The following COL6A6 variants were observed in gnomAD, a reference collection of about 807,000 sequenced individuals.
COL6A6 encodes collagen alpha-6(VI) chain.
A neutral mutation model predicts 208.6 loss-of-function variants in COL6A6; 183 were observed. The ratio of observed to expected loss-of-function variants is 0.88; its 90% CI spans 0.78 to 0.99. The LOEUF (loss-of-function observed/expected upper bound fraction) is 0.99, where lower values mean the gene tolerates loss of function less well. Among genes scored for constraint, COL6A6 ranks in the 50% least tolerant of loss-of-function variants. The pLI, the probability that COL6A6 is intolerant of heterozygous loss-of-function variation, is 0.00. For synonymous variants in COL6A6, 973 were observed against 1,011.8 expected, an observed-to-expected ratio of 0.96 and a Z score of 0.73; for missense variants, 2,816 against 2,815.2, an observed-to-expected ratio of 1.00 and a Z score of -0.01.
chr3:130,517,084 G>T (rs1270265937), upstream of COL6A6, among the ~76,000 whole-genome samples: 1 of 152,200 alleles, frequency 6.6e-6, no homozygotes, highest in African/African-American at 2.4e-5. Flanking sequence ...CCCTCCTGGG[G>T]GACGTGCGCT....
chr3:130,588,898 A>G (rs916448124), intron 11 of COL6A6, among the ~76,000 whole-genome samples, 192 bp from the exon 12 acceptor site: 17 of 146,218 alleles, frequency 1.2e-4, no homozygotes, highest in African/African-American at 3.9e-4. Context: ...AGTGCAGATG[A>G]TAGAAGAAAA....
At chr3:130,642,164 T>G (rs2065331106) in intron 29 of COL6A6, among the ~76,000 whole-genome samples, 2 of 152,162 alleles carry the variant, frequency 1.3e-5, no homozygotes, top group African/African-American at 4.8e-5. Context: ...CAGACTCCTC[T>G]TCTTCTGAAG....
intron 36 of COL6A6, among the ~76,000 whole-genome samples, chr3:130,672,267 G>A (rs899594908): frequency 5.3e-5 from 8 of 152,190 alleles, no homozygotes; most frequent in African/African-American, 1.9e-4. Context: ...CTGGAGCTGA[G>A]CACAAGTTGC....
At chr3:130,597,404 A>G (rs1239802546) in intron 18 of COL6A6, among the ~76,000 whole-genome samples, 1 of 152,224 alleles carries the variant, frequency 6.6e-6, no homozygotes, top group Non-Finnish European at 1.5e-5. Flanking sequence ...AAGCTCTGTA[A>G]GTACAAAACC....
chr3:130,660,104 C>A (rs1220642849), intron 34 of COL6A6, among the ~76,000 whole-genome samples: 1 of 152,182 alleles, frequency 6.6e-6, no homozygotes, highest in African/African-American at 2.4e-5. Context: ...TCAGAAGTTG[C>A]ACATGTGTGA....
intron 1 of COL6A6, among the ~76,000 whole-genome samples, chr3:130,527,462 C>A (rs1015063929): frequency 6.6e-6 from 1 of 152,112 alleles, no homozygotes; most frequent in African/African-American, 2.4e-5. Flanking sequence ...TTCAGCACCC[C>A]CCGCCAAGGG....
At chr3:130,577,021 GTA>G (rs1166870938) in intron 8 of COL6A6, among the ~76,000 whole-genome samples, 1 of 152,122 alleles carries the variant, frequency 6.6e-6, no homozygotes, top group East Asian at 1.9e-4. Flanking sequence ...TCCTCTAATT[GTA>G]TACTGTGATT....
intron 1 of COL6A6, among the ~76,000 whole-genome samples, chr3:130,529,306 A>G (rs1364122249): frequency 1.3e-5 from 2 of 148,300 alleles, no homozygotes; most frequent in Non-Finnish European, 3.0e-5. Flanking sequence ...AAAAAAAAAA[A>G]GCAGGAAGTG....
rs199518096 is a variant in COL6A6 at position 130,608,987 on chromosome 3, G to A, written c.4752+23G>A. 3 of 1,577,656 alleles carry A rather than the reference G, an allele frequency of 1.9e-6. No individual in the cohort carries two copies. In the African/African-American group the frequency reaches 4.1e-5, roughly 21 times the overall value. ...CAGGTACATATCAAGACCAATCAGG[G>A]TGTGAGAACATAAAGAAGAATCTGG... On this transcript the variant is annotated intron_variant, in intron 22 of 36. Transcript: ENST00000358511.
rs950263067 is a variant in COL6A6, at chr3:130,565,755, A to T, written c.1282+141A>T. ...AATTCTTTTACTTGAGCTTGAAAAT[A>T]TGAAGCCTAATTTGGGGACAATAAA... On this transcript the variant is annotated intron_variant, in intron 4 of 36. Transcript: ENST00000358511. The T allele has an allele frequency of 5.7e-6, 6 of 1,055,484 alleles. No individual in the cohort carries two copies. In the African/African-American group the frequency reaches 9.6e-5, roughly 17 times the overall value. 65.4% of individuals were successfully genotyped at this position (1,055,484 alleles called of 1,614,324 possible). A position where few individuals can be genotyped will look rare whatever the true frequency, so the allele number is the denominator to read the frequency against.
At chr3:130,673,036 G>A (rs1339994937) in intron 36 of COL6A6, among the ~76,000 whole-genome samples, 21 of 144,632 alleles carry the variant, frequency 1.5e-4, no homozygotes, top group Non-Finnish European at 2.6e-4. Flanking sequence ...AAAATTAGTT[G>A]GGTGTGGTGG....
intron 8 of COL6A6, among the ~76,000 whole-genome samples, chr3:130,578,767 G>C (rs1359048648): frequency 6.6e-6 from 1 of 152,208 alleles, no homozygotes; most frequent in East Asian, 1.9e-4. Flanking sequence ...CCTAGGGCAG[G>C]AAATGCTGAA....
At chr3:130,640,828 A>C (rs1182505857) in intron 28 of COL6A6, among the ~76,000 whole-genome samples, 1 of 152,092 alleles carries the variant, frequency 6.6e-6, no homozygotes, top group African/African-American at 2.4e-5. Context: ...TTGTTTTAAA[A>C]GTTTTTGTAT....
In COL6A6 at chr3:130,635,529, A is replaced by G. The variant is rs1194142641; in HGVS notation, c.5029-170A>G. On this transcript the variant is annotated intron_variant, in intron 27 of 36. Coordinates refer to ENST00000358511, the MANE Select transcript of COL6A6 (RefSeq NM_001102608.3). ...TGAAACAATGCTGACGCAGTGTGCT[A>G]TGTAGAGAGTTACACAAATGGAAAC... Among the ~76,000 whole-genome samples, 4 of 152,236 alleles carry G rather than the reference A, an allele frequency of 2.6e-5. No homozygotes were observed. The East Asian group carries it at 7.7e-4, about 29-fold the overall frequency.
chr3:130,537,290 C>T (rs1238532847), intron 1 of COL6A6, among the ~76,000 whole-genome samples: 4 of 152,194 alleles, frequency 2.6e-5, no homozygotes, highest in Non-Finnish European at 5.9e-5. Context: ...TCAATCTCAT[C>T]TGTAAAGTGG....
intron 32 of COL6A6, 69 bp downstream of exon 32, chr3:130,645,071 T>C: frequency 6.9e-7 from 1 of 1,448,918 alleles, no homozygotes; most frequent in South Asian, 1.1e-5. Flanking sequence ...AAAGATGAGT[T>C]AGAGCAATGT....
At chr3:130,658,297 T>A (rs2108445478) in intron 33 of COL6A6, among the ~76,000 whole-genome samples, 1 of 152,282 alleles carries the variant, frequency 6.6e-6, no homozygotes, top group East Asian at 1.9e-4. Flanking sequence ...AAAATGGGGA[T>A]GATGAGCATA....
rs776207984 is a variant in COL6A6, at chr3:130,574,454, A to C, written c.3476A>C (p.His1159Pro). Residue 1159 changes from histidine to proline, a missense_variant, in exon 8 of 37, where the codon CAC (histidine) becomes CCC (proline). Coordinates refer to ENST00000358511, the MANE Select transcript of COL6A6 (RefSeq NM_001102608.3). ...ACTGCAGAGAAAAAACTGACAGTGCACAACTTCGATGAACTGAAGAAGGTC... is the reference window on the plus strand; with the variant it reads ...ACTGCAGAGAAAAAACTGACAGTGCCCAACTTCGATGAACTGAAGAAGGTC... Reference protein sequence around the residue: ...TGTAEKKLTVHNFDELKKVNK... With the variant: ...TGTAEKKLTVPNFDELKKVNK... The C allele has an allele frequency of 6.2e-7, 1 of 1,614,058 alleles. No homozygotes were observed. The highest frequency in any genetic ancestry group is 8.5e-7 in the Non-Finnish European group (1 of 1,179,892).
At chr3:130,583,773 T>C (rs145661143) in intron 10 of COL6A6, among the ~76,000 whole-genome samples, 88 of 152,244 alleles carry the variant, frequency 5.8e-4, no homozygotes, top group African/African-American at 2.1e-3. Context: ...TTTGGTTTTG[T>C]TTTTTTCTTT....
Sources: allele counts gnomAD v4.1 joint callset (sites outside exome capture counted in the v4.1 genomes callset), GRCh38; gene constraint gnomAD v4.1.1; transcripts MANE v1.5; gene names NCBI Gene and HGNC (gene_info 2026-07-23, HGNC 2026-07-21).